PARP16: variants seen among roughly 807,000 people sequenced by gnomAD.
PARP16 encodes poly(ADP-ribose) polymerase family member 16, also known as protein mono-ADP-ribosyltransferase PARP16.
Under a neutral mutation model 35.0 loss-of-function variants are expected in PARP16, and 31 were observed. The ratio of observed to expected loss-of-function variants is 0.88; its 90% CI spans 0.66 to 1.19. The LOEUF (loss-of-function observed/expected upper bound fraction) is 1.19, where lower values mean the gene tolerates loss of function less well. Ranked by LOEUF, PARP16 falls within the 50% of genes most tolerant of loss-of-function variation. PARP16 has a pLI of 0.00. For missense variants in PARP16, 424 were observed against 411.2 expected (o/e 1.03, Z -0.27); for synonymous variants, 162 against 169.5 (o/e 0.96, Z 0.34).
intron 5 of PARP16, among the ~76,000 whole-genome samples, 164 bp from the exon 6 acceptor site, chr15:65,259,706 G>C (rs148111430): frequency 7.5e-4 from 115 of 152,356 alleles, no homozygotes; most frequent in African/African-American, 2.7e-3. Context: ...ACCTGGGGCT[G>C]TTTGCCCAGG....
intron 3 of PARP16, among the ~76,000 whole-genome samples, chr15:65,239,424 TAAA>T (rs758350761): frequency 7.8e-3 from 54 of 6,944 alleles, no homozygotes; most frequent in Non-Finnish European, 0.01. Context: ...AGACTTTGCC[TAAA>T]AAAAAAAAAA....
intron 3 of PARP16, 89 bp from the exon 4 acceptor site, chr15:65,263,409 T>A: frequency 9.0e-7 from 1 of 1,112,396 alleles, no homozygotes; most frequent in Non-Finnish European, 1.3e-6. Flanking sequence ...CTTCAAGAGT[T>A]GTAAACACAA....
chr15:65,250,386 G>A (rs959607381), intron 2 of PARP16, among the ~76,000 whole-genome samples: 1 of 151,976 alleles, frequency 6.6e-6, no homozygotes, highest in Non-Finnish European at 1.5e-5. Flanking sequence ...CCAAAGTGCT[G>A]GGATTACAGG....
chr15:65,271,709 T>C (rs190022322), intron 1 of PARP16, among the ~76,000 whole-genome samples: 61 of 152,304 alleles, frequency 4.0e-4, no homozygotes, highest in Middle Eastern at 6.8e-3. Flanking sequence ...GCCATGAGTA[T>C]GGCATGCCAC....
At chr15:65,254,690 T>C (rs1382435470), downstream of PARP16, among the ~76,000 whole-genome samples, 1 of 152,134 alleles carries the variant, frequency 6.6e-6, no homozygotes, top group Non-Finnish European at 1.5e-5. Context: ...GCTGACTCCA[T>C]GCCAACACAA....
At chr15:65,252,873 A>T (rs2089396120) in intron 2 of PARP16, among the ~76,000 whole-genome samples, 3 of 152,208 alleles carry the variant, frequency 2.0e-5, no homozygotes, top group Admixed American at 2.0e-4. Flanking sequence ...TCACACCTGT[A>T]ATCCCAGCAC....
intron 5 of PARP16, among the ~76,000 whole-genome samples, chr15:65,260,434 A>G (rs1362650828): frequency 6.6e-6 from 1 of 152,188 alleles, no homozygotes; most frequent in African/African-American, 2.4e-5. Context: ...TTTAGAGATA[A>G]AGATGAAGCA....
At chr15:65,240,042 C>T (rs535408804) in intron 3 of PARP16, among the ~76,000 whole-genome samples, 1 of 150,198 alleles carries the variant, frequency 6.7e-6, no homozygotes, top group South Asian at 2.1e-4. Flanking sequence ...ACTGCAACTG[C>T]AGCCTTGACC....
chr15:65,278,025 C>T (rs935084350), intron 1 of PARP16, among the ~76,000 whole-genome samples: 3 of 152,142 alleles, frequency 2.0e-5, no homozygotes, highest in African/African-American at 4.8e-5. Context: ...CAGGTATTTC[C>T]AGGGATGGGG....
intron 2 of PARP16, among the ~76,000 whole-genome samples, chr15:65,270,590 A>G (rs1365111331): frequency 6.6e-6 from 1 of 152,198 alleles, no homozygotes; most frequent in Non-Finnish European, 1.5e-5. Context: ...GCATTTTCAA[A>G]GTGTGAAAAT....
chr15:65,244,091 A>T (rs1173059017), intron 3 of PARP16, among the ~76,000 whole-genome samples: 3 of 152,140 alleles, frequency 2.0e-5, no homozygotes, highest in Non-Finnish European at 4.4e-5. Flanking sequence ...TCCATCTGGT[A>T]AGATCTTCCA....
chr15:65,257,947 C>A (rs2089565544), downstream of PARP16: 1 of 152,086 alleles, frequency 6.6e-6, no homozygotes, highest in African/African-American at 2.4e-5. Flanking sequence ...AACTAGAAAT[C>A]CAACACCTCC....
At chr15:65,231,373 T>A (rs1486212790), downstream of PARP16, among the ~76,000 whole-genome samples, 5 of 152,128 alleles carry the variant, frequency 3.3e-5, no homozygotes, top group African/African-American at 1.2e-4. Flanking sequence ...CCACCTTTTC[T>A]AAGGTTTCCT....
At chr15:65,247,311 C>T (rs2089235569) in intron 3 of PARP16, among the ~76,000 whole-genome samples, 4 of 152,158 alleles carry the variant, frequency 2.6e-5, no homozygotes. Context: ...CAACACTTTA[C>T]ACACATTATT....
chr15:65,264,613 CCTT>C (rs1242587385), intron 3 of PARP16, among the ~76,000 whole-genome samples: 3 of 152,202 alleles, frequency 2.0e-5, no homozygotes, highest in Admixed American at 2.0e-4. Context: ...CTGACACAGA[CCTT>C]CTCCAATGAC....
Position 65,263,150 on chromosome 15 carries a change from C to A in PARP16, c.690G>T (p.Lys230Asn). 1 of 1,613,438 alleles carries A rather than the reference C, an allele frequency of 6.2e-7. No individual in the cohort carries two copies. Among genetic ancestry groups the A allele is most frequent in the South Asian group, 1.1e-5 (1 of 90,922 alleles). The change falls in exon 4 of 6, where the codon AAG (lysine) becomes AAT (asparagine). Residue 230 changes from lysine (K) to asparagine (N), a missense_variant and splice_region_variant. Physicochemically the swap from Lys to Asn is moderately conservative, Grantham distance 94. Coordinates refer to ENST00000649807, the MANE Select transcript of PARP16 (RefSeq NM_001316943.2). ...HPDVKCQTKK[K>N]DSKEIDRRRA... ...GGTCTGGACCAAGTGCTCACTCACC[C>A]TTCTTCTTGGTTTGGCACTTGACGT... is the stretch of plus-strand genomic sequence containing the variant.
rs78440263 is a variant in PARP16, at chr15:65,283,792, C to A, written c.174+2461G>T. Among the ~76,000 whole-genome samples the A allele has an allele frequency of 1.5e-3, 232 of 152,310 alleles. 1 individual carries two copies. Among genetic ancestry groups the A allele is most frequent in the African/African-American group, 5.3e-3 (220 of 41,576 alleles). Reference sequence around the variant, plus strand: ...TGTATCCTTAGCACCTGTCCCATAGCAAACACTCCATAAGTATCTGTTGCC... The same window carrying A: ...TGTATCCTTAGCACCTGTCCCATAGAAAACACTCCATAAGTATCTGTTGCC... On this transcript the variant is annotated intron_variant, in intron 1 of 5. Transcript: ENST00000649807.
intron 1 of PARP16, among the ~76,000 whole-genome samples, chr15:65,274,280 C>T (rs1595710284): frequency 6.7e-6 from 1 of 148,434 alleles, no homozygotes; most frequent in African/African-American, 2.5e-5. Context: ...GATGTGTGAG[C>T]CCGGGCATGG....
rs190655307 is a variant in PARP16, at chr15:65,236,949, G to A, written c.*98-2126C>T. Among the ~76,000 whole-genome samples, 1,296 of 147,878 alleles carry A rather than the reference G, an allele frequency of 8.8e-3. 18 individuals are homozygous for A. Among genetic ancestry groups the A allele is most frequent in the African/African-American group, 0.031 (1,243 of 39,740 alleles). On this transcript the variant is annotated intron_variant and NMD_transcript_variant, in intron 3 of 3. Transcript: ENST00000559805. ...ATTGCACCACTGCACTCTAGCCTGG[G>A]CGACAGAGCAAGACTCTGTCTCAAA...
Sources: gnomAD v4.1 joint callset for allele counts (sites outside exome capture counted in the v4.1 genomes callset) on GRCh38, gnomAD v4.1.1 for gene constraint, MANE v1.5 for transcripts, NCBI Gene and HGNC (gene_info 2026-07-23, HGNC 2026-07-21) for gene names.